SPDYE3: variants seen among roughly 807,000 people sequenced by gnomAD.
SPDYE3 encodes speedy protein E3.
A neutral mutation model predicts 55.0 loss-of-function variants in SPDYE3; 15 were observed. The observed-to-expected ratio is 0.27, with a 90% CI of 0.18 to 0.42. The LOEUF (loss-of-function observed/expected upper bound fraction) is 0.42. Ranked by LOEUF, SPDYE3 falls within the 10% of genes least tolerant of loss-of-function variation. SPDYE3 has a pLI of 1.00. For synonymous variants in SPDYE3, 89 were observed against 229.9 expected (o/e 0.39, Z 5.55); for missense variants, 236 against 576.7 (o/e 0.41, Z 6.05).
At position 100,307,961 on chromosome 7, in the gene SPDYE3, G is replaced by A. The variant is rs1296051118; in HGVS notation, c.76G>A (p.Val26Met). The change falls in exon 1 of 11, where the codon GTG (valine) becomes ATG (methionine). Residue 26 changes from valine (V) to methionine (M), a missense_variant. Transcript: ENST00000332397. ...CACCTCAGGGTACCCCCTCCAGGAG[G>A]TGGTGGATGATGAAGTGTCGGGACC... ...RSTSGYPLQEVVDDEVSGPSA... is the reference protein window; with the variant it reads ...RSTSGYPLQEMVDDEVSGPSA... 31 of 1,565,668 alleles carry A rather than the reference G, an allele frequency of 2.0e-5. No individual in the cohort carries two copies. Among genetic ancestry groups the A allele is most frequent in the Admixed American group, 1.9e-4 (10 of 54,022 alleles).
intron 1 of SPDYE3, among the ~76,000 whole-genome samples, chr7:100,308,330 CAAA>C (rs1302549830): frequency 8.8e-4 from 41 of 46,762 alleles, no homozygotes; most frequent in African/African-American, 2.8e-3. Flanking sequence ...GACGCTGTCT[CAAA>C]AAAAAAAAAA....
chr7:100,319,782 T>G lies in SPDYE3; in HGVS notation c.1564T>G (p.Trp522Gly), dbSNP rs201844139. ...CTTCTGTTCCATGCGCTGCAGGGCT[T>G]GGGTTTCCCCGGAGGAGTTGGAGGA... ...QFFCSMRCRA[W>G]VSPEELEEIQ... Residue 522 changes from tryptophan (W) to glycine (G), a missense_variant, in exon 9 of 11, where the codon TGG (tryptophan) becomes GGG (glycine). By Grantham distance (184) the Trp-to-Gly change is radical. Coordinates refer to ENST00000332397, the MANE Select transcript of SPDYE3 (RefSeq NM_001004351.5). 2.4e-5 allele frequency: 39 copies of G among 1,604,046 alleles called. No individual in the cohort carries two copies. Among genetic ancestry groups the G allele is most frequent in the Non-Finnish European group, 1.2e-5 (14 of 1,175,394 alleles).
intron 1 of SPDYE3, 72 bp downstream of exon 1, chr7:100,308,063 C>G: frequency 1.4e-6 from 2 of 1,468,700 alleles, no homozygotes; most frequent in Non-Finnish European, 1.8e-6. Flanking sequence ...GGTGCGGTAG[C>G]TCACCCCTGT....
In SPDYE3 at chr7:100,321,326, A is replaced by C; in HGVS notation, c.*481A>C. On this transcript the variant is annotated 3_prime_UTR_variant, in exon 11 of 11. Transcript: ENST00000332397. ...TGTAACAGATAGCTTCATGCACACTATGCATTTTATTGGTTTGTTTGGAAA... is the reference window on the plus strand; with the variant it reads ...TGTAACAGATAGCTTCATGCACACTCTGCATTTTATTGGTTTGTTTGGAAA... The C allele has an allele frequency of 3.1e-6, 1 of 321,806 alleles. No homozygotes were observed. Among genetic ancestry groups the C allele is most frequent in the South Asian group, 2.5e-5 (1 of 40,496 alleles). The allele number at this position is 321,806 out of a possible 1,614,324, so 19.9% of individuals were successfully genotyped here.
intron 8 of SPDYE3, 148 bp downstream of exon 8, chr7:100,317,303 T>C: frequency 8.0e-6 from 12 of 1,508,374 alleles, no homozygotes; most frequent in Non-Finnish European, 1.0e-5. Flanking sequence ...TCTTAGACTG[T>C]TGTCTCTAAA....
chr7:100,316,708 C>A (rs1487000963), intron 7 of SPDYE3, among the ~76,000 whole-genome samples: 1 of 152,132 alleles, frequency 6.6e-6, no homozygotes, highest in Non-Finnish European at 1.5e-5. Context: ...CCCTAGGCCA[C>A]CGTCTGGCTG....
chr7:100,308,358 A>G (rs867537214), intron 1 of SPDYE3, among the ~76,000 whole-genome samples: 48 of 150,708 alleles, frequency 3.2e-4, no homozygotes, highest in Middle Eastern at 3.4e-3. Flanking sequence ...AAGAAGAAGA[A>G]AAAAAAGAAG....
At chr7:100,317,830 G>T (rs907544173) in intron 8 of SPDYE3, among the ~76,000 whole-genome samples, 16 of 150,360 alleles carry the variant, frequency 1.1e-4, no homozygotes, top group Admixed American at 9.3e-4. Context: ...CAAAAAATTA[G>T]CCAGGTGTGG....
At position 100,319,812 on chromosome 7, in the gene SPDYE3, G is replaced by A. The variant is rs200369353; in HGVS notation, c.1590+4G>A. 6.2e-7 allele frequency: 1 copy of A among 1,614,146 alleles called. No homozygotes were observed. The highest frequency in any genetic ancestry group is 8.5e-7 in the Non-Finnish European group (1 of 1,180,016). On this transcript the variant is annotated splice_donor_region_variant and intron_variant, in intron 9 of 10. Transcript: ENST00000332397. ...TTCCCCGGAGGAGTTGGAGGAGGTG[G>A]GTGGGGCCTGGGGAGGTGGAGGATG...
At chr7:100,316,569 C>A (rs912357723) in intron 7 of SPDYE3, among the ~76,000 whole-genome samples, 1 of 152,164 alleles carries the variant, frequency 6.6e-6, no homozygotes, top group African/African-American at 2.4e-5. Context: ...GGATCACAGG[C>A]TTGAGCCGCC....
rs756448323 is a variant in SPDYE3, at chr7:100,307,879, A to T, written c.-7A>T. On this transcript the variant is annotated 5_prime_UTR_variant, in exon 1 of 11. Transcript: ENST00000332397. ...TCGGTGAGATTGGACAGATTTTGGGAAAGATCATGACGAGCCATCAACCGC... is the reference window on the plus strand; with the variant it reads ...TCGGTGAGATTGGACAGATTTTGGGTAAGATCATGACGAGCCATCAACCGC... The T allele has an allele frequency of 1.9e-6, 3 of 1,577,942 alleles. No homozygotes were observed. Among genetic ancestry groups the T allele is most frequent in the Middle Eastern group, 2.3e-4 (1 of 4,416 alleles).
chr7:100,317,551 G>A lies in SPDYE3; in HGVS notation c.1346+396G>A, dbSNP rs544931111. Among the ~76,000 whole-genome samples the A allele has an allele frequency of 2.0e-5, 3 of 151,872 alleles. No individual in the cohort carries two copies. The South Asian group carries it at 6.2e-4, about 32-fold the overall frequency. On this transcript the variant is annotated intron_variant, in intron 8 of 10. Transcript: ENST00000332397. ...ACCCAGGAGGTGGAGGTTGCAGTAAGCTAAGGTTGAGCCACTGCACTCCAG... is the reference window on the plus strand; with the variant it reads ...ACCCAGGAGGTGGAGGTTGCAGTAAACTAAGGTTGAGCCACTGCACTCCAG...
intron 10 of SPDYE3, 97 bp downstream of exon 10, chr7:100,320,132 C>G (rs994674971): frequency 4.5e-6 from 7 of 1,550,222 alleles, no homozygotes; most frequent in Non-Finnish European, 6.1e-6. Flanking sequence ...GCCTCGGCAA[C>G]GTGGCGAGAT....
rs1789526390 is a variant in SPDYE3, at chr7:100,319,666, A to G, written c.1448A>G (p.Lys483Arg). 2 of 1,614,216 alleles carry G rather than the reference A, an allele frequency of 1.2e-6. No individual in the cohort carries two copies. Among genetic ancestry groups the G allele is most frequent in the Non-Finnish European group, 8.5e-7 (1 of 1,180,034 alleles). Residue 483 changes from lysine to arginine, a missense_variant, in exon 9 of 11, where the codon AAG (lysine) becomes AGG (arginine). Lys to Arg is a conservative substitution (Grantham distance 26). Transcript: ENST00000332397. ...CACTCTCACATACCCTTGCGCCCTAAGCATTGGTTCCAGTTATGCCGTCCC... is the reference window on the plus strand; with the variant it reads ...CACTCTCACATACCCTTGCGCCCTAGGCATTGGTTCCAGTTATGCCGTCCC... ...KTHSHIPLRP[K>R]HWFQLCRPMN... is the part of the protein sequence containing the mutation.
At chr7:100,308,475 A>C (rs1225286659) in intron 1 of SPDYE3, among the ~76,000 whole-genome samples, 1 of 151,296 alleles carries the variant, frequency 6.6e-6, no homozygotes, top group Non-Finnish European at 1.5e-5. Flanking sequence ...TTGGGAAGCC[A>C]AGGCAGGCGG....
chr7:100,308,478 G>A (rs1303756959), intron 1 of SPDYE3, among the ~76,000 whole-genome samples: 1 of 151,878 alleles, frequency 6.6e-6, no homozygotes, highest in Non-Finnish European at 1.5e-5. Flanking sequence ...GGAAGCCAAG[G>A]CAGGCGGATC....
intron 10 of SPDYE3, 79 bp downstream of exon 10, chr7:100,320,114 G>C: frequency 3.2e-6 from 5 of 1,564,664 alleles, no homozygotes; most frequent in Non-Finnish European, 4.3e-6. Context: ...TGCTTGATCT[G>C]GCTTCAAGCC....
Position 100,319,706 on chromosome 7 carries a change from C to T in SPDYE3, c.1488C>T (p.Ala496=). The T allele has an allele frequency of 6.2e-7, 1 of 1,614,228 alleles. No individual in the cohort carries two copies. The highest frequency in any genetic ancestry group is 8.5e-7 in the Non-Finnish European group (1 of 1,180,048). Residue 496 remains alanine (A), a synonymous_variant, in exon 9 of 11, where the codon GCC becomes GCT. Transcript: ENST00000332397. The part of the protein sequence containing the change: ...FQLCRPMNPR[A]RKNCSQIALF... ...TATGCCGTCCCATGAACCCGAGGGC[C>T]AGGAAGAACTGCTCTCAGATAGCCT...
intron 8 of SPDYE3, among the ~76,000 whole-genome samples, chr7:100,317,920 G>A (rs1168972987): frequency 7.1e-6 from 1 of 141,194 alleles, no homozygotes; most frequent in Non-Finnish European, 1.5e-5. Flanking sequence ...AGCTTGCAGT[G>A]AGCCGAGATT....
Sources: allele counts gnomAD v4.1 joint callset (sites outside exome capture counted in the v4.1 genomes callset), GRCh38; gene constraint gnomAD v4.1.1; transcripts MANE v1.5; gene names NCBI Gene and HGNC (gene_info 2026-07-23, HGNC 2026-07-21).